The following CCSER1 variants were observed in gnomAD, a reference collection of about 807,000 sequenced individuals.
CCSER1 encodes coiled-coil serine rich protein 1, also known as serine-rich coiled-coil domain-containing protein 1.
In CCSER1, 41 loss-of-function variants were observed where a neutral mutation model predicts 82.0. The ratio of observed to expected loss-of-function variants is 0.50; its 90% CI spans 0.39 to 0.65. The LOEUF (loss-of-function observed/expected upper bound fraction) is 0.65, where lower values mean the gene tolerates loss of function less well. CCSER1 is among the 30% of genes least tolerant of loss of function. The pLI, the probability that CCSER1 is intolerant of heterozygous loss-of-function variation, is 0.00. For missense variants in CCSER1, 1,119 were observed against 1,064.2 expected (o/e 1.05, Z -0.72); for synonymous variants, 414 against 383.9 (o/e 1.08, Z -0.92).
At chr4:91,522,680 T>C (rs1760547902) in intron 10 of CCSER1, among the ~76,000 whole-genome samples, 1 of 152,186 alleles carries the variant, frequency 6.6e-6, no homozygotes, top group Admixed American at 6.5e-5. Context: ...TGTTTGTCTG[T>C]TATTGGTGTA....
At chr4:90,505,698 G>T (rs1380163691) in intron 5 of CCSER1, among the ~76,000 whole-genome samples, 1 of 152,182 alleles carries the variant, frequency 6.6e-6, no homozygotes, top group African/African-American at 2.4e-5. Context: ...TGTTGCCATG[G>T]TATTTGTAAA....
At chr4:90,460,304 G>T (rs542799948) in intron 4 of CCSER1, among the ~76,000 whole-genome samples, 2 of 96,828 alleles carry the variant, frequency 2.1e-5, no homozygotes, top group South Asian at 3.0e-4. Context: ...CAGCCTGGGC[G>T]ACAGAGCGAA....
intron 9 of CCSER1, among the ~76,000 whole-genome samples, chr4:90,996,943 G>A (rs1342764247): frequency 6.6e-6 from 1 of 152,112 alleles, no homozygotes; most frequent in African/African-American, 2.4e-5. Context: ...TAAGTATTAT[G>A]AGTAAAGCCA....
chr4:91,449,389 A>G (rs1755750679), intron 10 of CCSER1, among the ~76,000 whole-genome samples: 1 of 152,052 alleles, frequency 6.6e-6, no homozygotes, highest in Non-Finnish European at 1.5e-5. Context: ...GATATATGAA[A>G]TCCAAATGAA....
intron 10 of CCSER1, among the ~76,000 whole-genome samples, chr4:91,217,477 T>C (rs1405576319): frequency 1.1e-4 from 17 of 147,978 alleles, no homozygotes; most frequent in Admixed American, 2.0e-4. Flanking sequence ...GATTGGTGCA[T>C]TCACAAACCT....
intron 8 of CCSER1, among the ~76,000 whole-genome samples, chr4:90,881,847 CTCTTCCCCTG>C (rs1442023781): frequency 6.6e-6 from 1 of 152,090 alleles, no homozygotes; most frequent in Non-Finnish European, 1.5e-5. Context: ...CATCTCCCTA[CTCTTCCCCTG>C]TCTATTCCAC....
intron 10 of CCSER1, among the ~76,000 whole-genome samples, chr4:91,495,860 A>G (rs1758775204): frequency 6.6e-6 from 1 of 151,660 alleles, no homozygotes; most frequent in African/African-American, 2.4e-5. Context: ...CTGATGTACA[A>G]TGAGTACTGG....
chr4:91,378,643 A>C (rs1750623617), intron 10 of CCSER1, among the ~76,000 whole-genome samples: 1 of 152,056 alleles, frequency 6.6e-6, no homozygotes, highest in African/African-American at 2.4e-5. Context: ...GCTGTAGGAG[A>C]TTTTGGGCTG....
At position 91,599,845 on chromosome 4, in the gene CCSER1, A is replaced by G. The variant is rs181963575; in HGVS notation, c.*788A>G. The G allele has an allele frequency of 1.0e-3, 155 of 152,302 alleles. 2 individuals carry two copies. The highest frequency in any genetic ancestry group is 3.6e-3 in the African/African-American group (149 of 41,582). The allele number at this position is 152,302 out of a possible 1,614,324, so 9.4% of individuals were successfully genotyped here. A position where few individuals can be genotyped will look rare whatever the true frequency, so the allele number is the denominator to read the frequency against. On this transcript the variant is annotated 3_prime_UTR_variant, in exon 11 of 11. Transcript: ENST00000509176. ...GTTGAATTTTGTCAGATGATGCATA[A>G]ATACTGACATGCTATATTCTTTGAG...
At chr4:91,486,385 T>A (rs1758221089) in intron 10 of CCSER1, among the ~76,000 whole-genome samples, 1 of 152,054 alleles carries the variant, frequency 6.6e-6, no homozygotes, top group African/African-American at 2.4e-5. Context: ...TTAGAGACAC[T>A]TTTTTGAAAT....
chr4:90,904,168 T>C (rs1581011264), intron 8 of CCSER1, among the ~76,000 whole-genome samples: 1 of 152,104 alleles, frequency 6.6e-6, no homozygotes, highest in Non-Finnish European at 1.5e-5. Context: ...AGAAGGACAA[T>C]TTGATTTATC....
rs1753910981 is a variant in CCSER1, at chr4:91,425,388, A to G, written c.2218-173184A>G. 3.3e-5 allele frequency among the ~76,000 whole-genome samples: 5 copies of G among 152,284 alleles called. No individual in the cohort carries two copies. The South Asian group carries it at 1.0e-3, about 32-fold the overall frequency. On this transcript the variant is annotated intron_variant, in intron 10 of 10. Transcript: ENST00000509176. ...ACAAATCAAATCTGTCGACATCCCA[A>G]GAATATTATAATTACACGTTCTTAT...
intron 10 of CCSER1, among the ~76,000 whole-genome samples, chr4:91,155,642 C>G (rs954962730): frequency 7.2e-5 from 11 of 151,948 alleles, no homozygotes; most frequent in Non-Finnish European, 1.5e-5. Flanking sequence ...GAATGAATTA[C>G]TTCTCTCTTT....
intron 5 of CCSER1, among the ~76,000 whole-genome samples, chr4:90,537,069 A>G (rs768741577): frequency 6.6e-6 from 1 of 152,152 alleles, no homozygotes; most frequent in Admixed American, 6.5e-5. Flanking sequence ...TTTGAAATCT[A>G]ATTGTTTTAA....
In CCSER1 at chr4:91,065,345, T is replaced by G. The variant is rs1720693865; in HGVS notation, c.2173-20605T>G. On this transcript the variant is annotated intron_variant, in intron 9 of 10. Transcript: ENST00000509176. Reference sequence around the variant, plus strand: ...TATTGGGAAATATTGCGTAATTTGGTGTAATATTGTACAAAACAGTGATGT... The same window carrying G: ...TATTGGGAAATATTGCGTAATTTGGGGTAATATTGTACAAAACAGTGATGT... Among the ~76,000 whole-genome samples, 5 of 152,290 alleles carry G rather than the reference T, an allele frequency of 3.3e-5. No homozygotes were observed. In the South Asian group the frequency reaches 1.0e-3, roughly 32 times the overall value.
At chr4:90,908,245 G>A (rs1161026847) in intron 8 of CCSER1, among the ~76,000 whole-genome samples, 5 of 152,060 alleles carry the variant, frequency 3.3e-5, no homozygotes, top group African/African-American at 9.7e-5. Flanking sequence ...ATATCTGTAA[G>A]GCAGTGGCAC....
chr4:90,891,204 T>C (rs1426394155), intron 8 of CCSER1, among the ~76,000 whole-genome samples: 2 of 151,638 alleles, frequency 1.3e-5, no homozygotes, highest in South Asian at 4.2e-4. Flanking sequence ...AGTGAATTGG[T>C]CAGTCTTATG....
At chr4:91,439,940 T>C (rs1466329909) in intron 10 of CCSER1, among the ~76,000 whole-genome samples, 1 of 152,062 alleles carries the variant, frequency 6.6e-6, no homozygotes, top group Admixed American at 6.6e-5. Flanking sequence ...ATGCACCCAA[T>C]ACAGGAGCAC....
intron 10 of CCSER1, among the ~76,000 whole-genome samples, chr4:91,181,782 G>T (rs1221355879): frequency 6.6e-6 from 1 of 152,180 alleles, no homozygotes; most frequent in Non-Finnish European, 1.5e-5. Flanking sequence ...CTGGGTCCAA[G>T]CCTGTTTACA....
Sources: gnomAD v4.1 joint callset for allele counts (sites outside exome capture counted in the v4.1 genomes callset) on GRCh38, gnomAD v4.1.1 for gene constraint, MANE v1.5 for transcripts, NCBI Gene and HGNC (gene_info 2026-07-23, HGNC 2026-07-21) for gene names.